PLCG2: variants seen among roughly 807,000 people sequenced by gnomAD.
The protein encoded by PLCG2 is phospholipase C gamma 2, also known as 1-phosphatidylinositol 4,5-bisphosphate phosphodiesterase gamma-2.
A neutral mutation model predicts 175.6 loss-of-function variants in PLCG2; 69 were observed. The observed-to-expected ratio is 0.39, with a 90% CI of 0.32 to 0.48. PLCG2 has a LOEUF of 0.48. PLCG2 is among the 20% of genes least tolerant of loss of function. The pLI is 0.91. For synonymous variants in PLCG2, 827 were observed against 624.0 expected, an observed-to-expected ratio of 1.33 and a Z score of -4.85; for missense variants, 1,798 against 1,650.9, an observed-to-expected ratio of 1.09 and a Z score of -1.54.
chr16:81,893,821 C>CG (rs1555517475), intron 12 of PLCG2, 27 bp downstream of exon 12: 1 of 1,449,240 alleles, frequency 6.9e-7, no homozygotes, highest in Non-Finnish European at 9.7e-7. Flanking sequence ...TGGTGGAGGT[C>CG]AGGCTCGCAG....
intron 7 of PLCG2, among the ~76,000 whole-genome samples, chr16:81,872,981 G>A (rs1385712722): frequency 6.6e-6 from 1 of 152,252 alleles, no homozygotes; most frequent in Non-Finnish European, 1.5e-5. Context: ...ATGTATCTGA[G>A]TTAGAGAAAT....
intron 2 of PLCG2, among the ~76,000 whole-genome samples, chr16:81,795,817 G>T (rs1022556141): frequency 6.6e-6 from 1 of 151,978 alleles, no homozygotes; most frequent in African/African-American, 2.4e-5. Context: ...CTCCTGCTTT[G>T]GCCTCCCAAA....
In PLCG2 at chr16:81,937,762, G is replaced by A. The variant is rs1237129705; in HGVS notation, c.3057G>A (p.Lys1019=). 2 of 1,613,764 alleles carry A rather than the reference G, an allele frequency of 1.2e-6. No homozygotes were observed. The highest frequency in any genetic ancestry group is 8.5e-7 in the Non-Finnish European group (1 of 1,179,902). Residue 1019 remains lysine, a synonymous_variant, in exon 28 of 33, where the codon AAG becomes AAA. Transcript: ENST00000564138. ...MVALNFQTAD[K]YMQMNHALFS... is the part of the protein sequence containing the mutation. Reference sequence around the variant, plus strand: ...GGCGTTCACTTTCCTTCCCAGATAAGTACATGCAGATGAATCACGCATTGT... The same window carrying A: ...GGCGTTCACTTTCCTTCCCAGATAAATACATGCAGATGAATCACGCATTGT...
At chr16:81,916,914 A>G (rs1420309441) in intron 19 of PLCG2, among the ~76,000 whole-genome samples, 1 of 152,230 alleles carries the variant, frequency 6.6e-6, no homozygotes, top group Non-Finnish European at 1.5e-5. Flanking sequence ...CTGGGATTAC[A>G]GGTGTGAGCC....
At chr16:81,831,863 A>G (rs758423400) in intron 2 of PLCG2, among the ~76,000 whole-genome samples, 3 of 152,206 alleles carry the variant, frequency 2.0e-5, no homozygotes, top group Non-Finnish European at 2.9e-5. Context: ...TTTGGTTTGC[A>G]AAACTCTGAG....
intron 2 of PLCG2, among the ~76,000 whole-genome samples, chr16:81,768,772 G>T (rs1414617177): frequency 6.6e-6 from 1 of 151,908 alleles, no homozygotes; most frequent in Non-Finnish European, 1.5e-5. Context: ...TCACCATGTT[G>T]GCCACGCTGG....
At position 81,763,932 on chromosome 16, in the gene PLCG2, A is replaced by G. The variant is rs190362862; in HGVS notation, c.-48+7966A>G. Among the ~76,000 whole-genome samples, 363 of 152,052 alleles carry G rather than the reference A, an allele frequency of 2.4e-3. 1 individual carries two copies. The highest frequency in any genetic ancestry group is 3.4e-3 in the Middle Eastern group (1 of 294). On this transcript the variant is annotated intron_variant, in intron 2 of 5. Coordinates refer to the PLCG2 transcript ENST00000565054. ...CAGTGAGCCAAGATTTTGCCACTGCACTCCAGCCTGGGCGACAGAGAGACT... is the reference window on the plus strand; with the variant it reads ...CAGTGAGCCAAGATTTTGCCACTGCGCTCCAGCCTGGGCGACAGAGAGACT...
At chr16:81,953,444 C>T (rs1302111917) in intron 31 of PLCG2, among the ~76,000 whole-genome samples, 1 of 151,854 alleles carries the variant, frequency 6.6e-6, no homozygotes, top group East Asian at 1.9e-4. Flanking sequence ...CAACATAAAA[C>T]AATTTAAAAG....
At chr16:81,944,599 G>A (rs1911077887) in intron 30 of PLCG2, among the ~76,000 whole-genome samples, 1 of 152,036 alleles carries the variant, frequency 6.6e-6, no homozygotes, top group Non-Finnish European at 1.5e-5. Context: ...CTAGTAGCTG[G>A]GACTACAGGT....
intron 2 of PLCG2, among the ~76,000 whole-genome samples, chr16:81,829,121 T>A (rs1422175415): frequency 4.6e-5 from 7 of 152,136 alleles, no homozygotes; most frequent in Admixed American, 4.6e-4. Flanking sequence ...TTATTTTATT[T>A]TTTTTGAGAC....
At chr16:81,881,209 TC>T (rs1020617324) in intron 8 of PLCG2, among the ~76,000 whole-genome samples, 6 of 151,752 alleles carry the variant, frequency 4.0e-5, no homozygotes, top group African/African-American at 1.5e-4. Flanking sequence ...GGGCCTCCTT[TC>T]CCCGAATGTG....
rs763144038 is a variant in PLCG2 at position 81,910,692 on chromosome 16, C to T, written c.1906C>T (p.Pro636Ser). 2 of 1,611,022 alleles carry T rather than the reference C, an allele frequency of 1.2e-6. No homozygotes were observed. The highest frequency in any genetic ancestry group is 1.7e-5 in the Admixed American group (1 of 60,028). ...CGAGCTGCGGCTCACGGACCCTGTG[C>T]CCAACCCCAACCCCCACGAGTCCAA... ...EFELRLTDPV[P>S]NPNPHESKPW... Residue 636 changes from proline (P) to serine (S), a missense_variant, in exon 18 of 33, where the codon CCC becomes TCC. Pro to Ser is a moderately conservative substitution (Grantham distance 74). Transcript: ENST00000564138.
At chr16:81,931,344 AC>A (rs1325640566) in intron 24 of PLCG2, 152 bp from the exon 25 acceptor site, 9 of 628,584 alleles carry the variant, frequency 1.4e-5, no homozygotes, top group African/African-American at 1.8e-5. Flanking sequence ...ATGTGTACTT[AC>A]CCCGATGGAA....
chr16:81,932,378 C>A (rs1000562941), intron 25 of PLCG2, among the ~76,000 whole-genome samples: 1 of 152,168 alleles, frequency 6.6e-6, no homozygotes, highest in African/African-American at 2.4e-5. Context: ...TATATCAGAG[C>A]GACATGGGAA....
chr16:81,743,804 C>G (rs1195971924), intron 1 of PLCG2, among the ~76,000 whole-genome samples: 1 of 152,070 alleles, frequency 6.6e-6, no homozygotes, highest in South Asian at 2.1e-4. Flanking sequence ...CTTGATCCAG[C>G]TGTGACTGTG....
intron 2 of PLCG2, among the ~76,000 whole-genome samples, chr16:81,770,693 T>A (rs1459324173): frequency 6.6e-6 from 1 of 152,114 alleles, no homozygotes; most frequent in East Asian, 1.9e-4. Flanking sequence ...GCCCTCCTGC[T>A]TGGGCTACAG....
intron 30 of PLCG2, among the ~76,000 whole-genome samples, chr16:81,941,914 C>CT (rs1340325594): frequency 6.6e-6 from 1 of 152,196 alleles, no homozygotes; most frequent in Non-Finnish European, 1.5e-5. Context: ...GAGTGAACCA[C>CT]TGTGCCTGGC....
chr16:81,821,733 C>T (rs952356073), intron 2 of PLCG2, among the ~76,000 whole-genome samples: 2 of 152,186 alleles, frequency 1.3e-5, no homozygotes, highest in Admixed American at 6.5e-5. Context: ...CAAAATAGAT[C>T]TTTCTCCGCT....
At chr16:81,941,435 ATGG>A (rs1248411581) in intron 30 of PLCG2, among the ~76,000 whole-genome samples, 4 of 152,162 alleles carry the variant, frequency 2.6e-5, no homozygotes, top group African/African-American at 9.7e-5. Flanking sequence ...AGCTCCCCAG[ATGG>A]TGCTTGGATG....
Sources: gnomAD v4.1 joint callset for allele counts (sites outside exome capture counted in the v4.1 genomes callset) on GRCh38, gnomAD v4.1.1 for gene constraint, MANE v1.5 for transcripts, NCBI Gene and HGNC (gene_info 2026-07-23, HGNC 2026-07-21) for gene names.